The following EVI5 variants were observed in gnomAD, a reference collection of about 807,000 sequenced individuals.
EVI5 encodes the protein ecotropic viral integration site 5.
Under a neutral mutation model 112.0 loss-of-function variants are expected in EVI5, and 73 were observed. That is an observed-to-expected ratio of 0.65 (90% CI 0.54 to 0.79). The LOEUF is 0.79. Among genes scored for constraint, EVI5 ranks in the 30% least tolerant of loss-of-function variants. The probability of loss-of-function intolerance (pLI) is 0.00; values close to 1 mark genes in which losing one functional copy is unlikely to be tolerated. For missense variants in EVI5, 900 were observed against 968.8 expected (o/e 0.93, Z 0.94); for synonymous variants, 305 against 319.9 (o/e 0.95, Z 0.50).
intron 19 of EVI5, among the ~76,000 whole-genome samples, chr1:92,545,043 T>C (rs1164529162): frequency 6.6e-6 from 1 of 152,180 alleles, no homozygotes; most frequent in Non-Finnish European, 1.5e-5. Context: ...ATATGGTTCA[T>C]AAGAAGCACA....
intron 18 of EVI5, among the ~76,000 whole-genome samples, chr1:92,567,294 GTTAA>G (rs1255201243): frequency 2.8e-4 from 43 of 151,972 alleles, no homozygotes; most frequent in Admixed American, 1.3e-4. Context: ...CTAAGCTAAG[GTTAA>G]TTTATTATTG....
intron 10 of EVI5, among the ~76,000 whole-genome samples, chr1:92,667,980 C>T (rs1388272718): frequency 6.6e-6 from 1 of 152,126 alleles, no homozygotes; most frequent in Non-Finnish European, 1.5e-5. Context: ...CTTCTTCCAG[C>T]CCCACCTTCC....
chr1:92,600,446 A>T (rs935350148), intron 18 of EVI5, among the ~76,000 whole-genome samples: 1 of 152,134 alleles, frequency 6.6e-6, no homozygotes, highest in African/African-American at 2.4e-5. Context: ...ATAATTTTTA[A>T]ATTATTAAAC....
intron 3 of EVI5, 83 bp downstream of exon 3, chr1:92,704,472 G>A (rs1671674907): frequency 2.5e-6 from 2 of 796,902 alleles, no homozygotes; most frequent in East Asian, 2.6e-5. Context: ...GTTGTATTTG[G>A]GGTTTTTTTC....
At chr1:92,639,400 T>C (rs1659506838) in intron 13 of EVI5, among the ~76,000 whole-genome samples, 1 of 151,002 alleles carries the variant, frequency 6.6e-6, no homozygotes, top group African/African-American at 2.4e-5. Flanking sequence ...CTCATATTAT[T>C]AAAAAAAATT....
chr1:92,779,214 G>C (rs1264725956), intron 1 of EVI5, among the ~76,000 whole-genome samples: 1 of 152,096 alleles, frequency 6.6e-6, no homozygotes, highest in Non-Finnish European at 1.5e-5. Context: ...TAACTTGGAA[G>C]AAACTATGCA....
intron 10 of EVI5, among the ~76,000 whole-genome samples, chr1:92,671,636 T>C (rs941283933): frequency 6.6e-6 from 1 of 152,120 alleles, no homozygotes; most frequent in African/African-American, 2.4e-5. Flanking sequence ...ACCAAATCCT[T>C]CTGGAGTCTT....
chr1:92,733,041 C>T (rs556663582), intron 2 of EVI5: 21 of 168,952 alleles, frequency 1.2e-4, no homozygotes, highest in African/African-American at 4.6e-4. Context: ...AGTGAGACCT[C>T]GTCTCCATTT....
intron 16 of EVI5, among the ~76,000 whole-genome samples, chr1:92,609,873 CTT>C: frequency 6.9e-6 from 1 of 144,272 alleles, no homozygotes; most frequent in East Asian, 1.9e-4. Flanking sequence ...TTCTCTCTCT[CTT>C]TTTTGTTTTT....
intron 9 of EVI5, among the ~76,000 whole-genome samples, chr1:92,692,259 G>C (rs1460372454): frequency 6.6e-6 from 1 of 152,184 alleles, no homozygotes; most frequent in Non-Finnish European, 1.5e-5. Flanking sequence ...TCTATGCAAG[G>C]AGAATTAGTT....
chr1:92,787,082 AT>A (rs1685697749), upstream of EVI5, among the ~76,000 whole-genome samples: 1 of 152,026 alleles, frequency 6.6e-6, no homozygotes, highest in South Asian at 2.1e-4. Context: ...ATATTGGTGA[AT>A]TTTTTACTAT....
At chr1:92,587,348 T>C (rs1051516807) in intron 18 of EVI5, among the ~76,000 whole-genome samples, 3 of 147,566 alleles carry the variant, frequency 2.0e-5, no homozygotes, top group Non-Finnish European at 4.4e-5. Context: ...TTTAGGTAAA[T>C]TGCTCAAAAC....
chr1:92,699,887 CTT>C, intron 5 of EVI5, among the ~76,000 whole-genome samples: 1 of 152,318 alleles, frequency 6.6e-6, no homozygotes. Context: ...ACAACAATTT[CTT>C]CTCTTCTGAA....
chr1:92,605,157 G>A, intron 18 of EVI5, 150 bp downstream of exon 18: 1 of 615,532 alleles, frequency 1.6e-6, no homozygotes, highest in Non-Finnish European at 2.9e-6. Context: ...TAAGTTTTAT[G>A]TCTATTTTAC....
At chr1:92,589,732 T>G (rs1356961522) in intron 18 of EVI5, among the ~76,000 whole-genome samples, 1 of 152,202 alleles carries the variant, frequency 6.6e-6, no homozygotes, top group Non-Finnish European at 1.5e-5. Flanking sequence ...CTCCGCAGAC[T>G]TAAATGTCCC....
chr1:92,630,174 T>C (rs1433621659), intron 14 of EVI5, among the ~76,000 whole-genome samples: 1 of 152,200 alleles, frequency 6.6e-6, no homozygotes, highest in African/African-American at 2.4e-5. Flanking sequence ...ATCCTTTGGG[T>C]ATATACCCAG....
intron 18 of EVI5, among the ~76,000 whole-genome samples, chr1:92,590,894 A>T (rs1032625527): frequency 1.6e-4 from 24 of 152,260 alleles, no homozygotes; most frequent in African/African-American, 5.8e-4. Context: ...AGGGAAGCCC[A>T]TTAGACTAAC....
chr1:92,663,227 C>T (rs995214006), intron 12 of EVI5, among the ~76,000 whole-genome samples, 193 bp downstream of exon 12: 6 of 152,070 alleles, frequency 3.9e-5, no homozygotes, highest in African/African-American at 1.4e-4. Flanking sequence ...AGCTTTAAAA[C>T]GTGCAAAAAT....
At chr1:92,612,842 A>C (rs1652182156) in intron 16 of EVI5, among the ~76,000 whole-genome samples, 1 of 152,118 alleles carries the variant, frequency 6.6e-6, no homozygotes, top group Admixed American at 6.5e-5. Context: ...GCTAAGAATG[A>C]TACAGCTAGA....
Sources: allele counts gnomAD v4.1 joint callset (sites outside exome capture counted in the v4.1 genomes callset), GRCh38; gene constraint gnomAD v4.1.1; transcripts MANE v1.5; gene names NCBI Gene and HGNC (gene_info 2026-07-23, HGNC 2026-07-21).